The following MLPH variants were observed in gnomAD, a reference collection of about 807,000 sequenced individuals.
The protein encoded by MLPH is exophilin-3.
Under a neutral mutation model 72.1 loss-of-function variants are expected in MLPH, and 51 were observed. The observed-to-expected ratio is 0.71, with a 90% CI of 0.56 to 0.89. MLPH has a LOEUF of 0.89. Ranked by LOEUF, MLPH falls within the 40% of genes least tolerant of loss-of-function variation. The probability of loss-of-function intolerance (pLI) is 0.00; values close to 1 mark genes in which losing one functional copy is unlikely to be tolerated. For synonymous variants in MLPH, 301 were observed against 310.1 expected (o/e 0.97, Z 0.31); for missense variants, 743 against 759.9 (o/e 0.98, Z 0.26).
intron 8 of MLPH, among the ~76,000 whole-genome samples, chr2:237,533,220 A>AT (rs1248463310): frequency 1.1e-4 from 17 of 152,100 alleles, no homozygotes; most frequent in Admixed American, 4.6e-4. Flanking sequence ...TGGGAGCTAG[A>AT]GTTATCTTCA....
chr2:237,517,774 TG>T, intron 4 of MLPH, among the ~76,000 whole-genome samples: 1 of 150,406 alleles, frequency 6.6e-6, no homozygotes, highest in African/African-American at 2.5e-5. Flanking sequence ...GATAAGTAAA[TG>T]GATGGGTGCA....
At chr2:237,522,672 T>C (rs1434541808) in intron 6 of MLPH, among the ~76,000 whole-genome samples, 1 of 152,138 alleles carries the variant, frequency 6.6e-6, no homozygotes, top group Non-Finnish European at 1.5e-5. Flanking sequence ...GGAGCAGGGC[T>C]GAGACTGGGG....
chr2:237,542,539 G>C, intron 11 of MLPH, 28 bp from the exon 12 acceptor site: 1 of 1,553,454 alleles, frequency 6.4e-7, no homozygotes, highest in Non-Finnish European at 8.8e-7. Context: ...TCTGTCTGAC[G>C]GGCCTTCTGT....
At chr2:237,520,436 G>T (rs937554630) in intron 6 of MLPH, among the ~76,000 whole-genome samples, 2 of 152,008 alleles carry the variant, frequency 1.3e-5, no homozygotes, top group African/African-American at 4.8e-5. Context: ...TTACTGGGAG[G>T]GGAACATACA....
In MLPH at chr2:237,511,008, C is replaced by A; in HGVS notation, c.352C>A (p.Leu118Met). 1.9e-6 allele frequency: 3 copies of A among 1,613,814 alleles called. No homozygotes were observed. The highest frequency in any genetic ancestry group is 2.5e-6 in the Non-Finnish European group (3 of 1,179,934). ...HLARVVKIGS[L>M]EWYYEHVKAR... ...CTGCAGAGTCGTGAAGATCGGCTCA[C>A]TGGAGTGGTACTATGAGCATGTGAA... The change falls in exon 4 of 16, where the codon CTG becomes ATG. Residue 118 changes from leucine (L) to methionine (M), a missense_variant. Transcript: ENST00000264605.
At chr2:237,535,147 G>C (rs990333421) in intron 9 of MLPH, among the ~76,000 whole-genome samples, 1 of 152,144 alleles carries the variant, frequency 6.6e-6, no homozygotes, top group Admixed American at 6.5e-5. Flanking sequence ...AGGACCAAGG[G>C]GTGGCATCTG....
At chr2:237,527,319 C>T (rs776549662) in intron 7 of MLPH, 58 bp from the exon 8 acceptor site, 15 of 1,603,770 alleles carry the variant, frequency 9.4e-6, no homozygotes, top group Admixed American at 1.7e-5. Context: ...GGACTAAACA[C>T]GTCCATCAGC....
chr2:237,552,047 A>G (rs2081050876), intron 14 of MLPH: 1 of 409,600 alleles, frequency 2.4e-6, no homozygotes, highest in East Asian at 5.2e-5. Context: ...ACACCAGTGC[A>G]GTGTGATGGG....
intron 4 of MLPH, 152 bp from the exon 5 acceptor site, chr2:237,518,387 A>T (rs2080099060): frequency 1.4e-6 from 1 of 719,904 alleles, no homozygotes; most frequent in South Asian, 1.5e-5. Flanking sequence ...GGAGGGATAC[A>T]TTGCTGTGTG....
Position 237,534,627 on chromosome 2 carries a change from G to A in MLPH, c.1084G>A (p.Val362Ile), listed in dbSNP as rs769185421. 1.9e-6 allele frequency: 3 copies of A among 1,613,860 alleles called. No homozygotes were observed. In the East Asian group the frequency reaches 6.7e-5, roughly 36 times the overall value. ...ECLLTYLENT[V>I]VPPLAKGLGA... is the part of the protein sequence containing the mutation. ...CCTGCTGACCTACCTGGAGAACACA[G>A]TTGTGCCTCCCTTGGCCAAGGTAAC... Residue 362 changes from valine to isoleucine, a missense_variant, in exon 9 of 16, where the codon GTT becomes ATT. Val to Ile is a conservative substitution (Grantham distance 29). Coordinates refer to ENST00000264605, the MANE Select transcript of MLPH (RefSeq NM_024101.7).
intron 13 of MLPH, among the ~76,000 whole-genome samples, chr2:237,548,881 A>AC (rs1475734664): frequency 6.6e-6 from 1 of 152,214 alleles, no homozygotes; most frequent in Admixed American, 6.5e-5. Flanking sequence ...TCCATCTCAA[A>AC]CAAAAAAAGA....
At position 237,510,088 on chromosome 2, in the gene MLPH, T is replaced by C. The variant is rs371102644; in HGVS notation, c.111-486T>C. The stretch of plus-strand genomic sequence containing the variant: ...GAACTGTAGACTTCCGGGTGCTAGA[T>C]GATTCCTGCTCTGGAAACTCACCGA... On this transcript the variant is annotated intron_variant, in intron 2 of 15. Coordinates refer to ENST00000264605, the MANE Select transcript of MLPH (RefSeq NM_024101.7). The surrounding 1 kb of genome is among the most constrained non-coding windows in gnomAD (Gnocchi z 4.4). 249 of 226,180 alleles carry C rather than the reference T, an allele frequency of 1.1e-3. 2 individuals are homozygous for C. Among genetic ancestry groups the C allele is most frequent in the African/African-American group, 5.2e-3 (230 of 43,908 alleles). 14.0% of individuals were successfully genotyped at this position (226,180 alleles called of 1,614,324 possible). A position where few individuals can be genotyped will look rare whatever the true frequency, so the allele number is the denominator to read the frequency against.
chr2:237,540,830 G>C lies in MLPH; in HGVS notation c.1319G>C (p.Arg440Thr), dbSNP rs372113163. ...EVGTAAHQTNRQEKSPQDPGD... is the reference protein window; with the variant it reads ...EVGTAAHQTNTQEKSPQDPGD... ...GGCACGGCTGCCCATCAAACCAACA[G>C]ACAGGAAAAAAGCCCCCAGGACCCT... The change falls in exon 11 of 16, where the codon AGA becomes ACA. Residue 440 changes from arginine to threonine, a missense_variant. Transcript: ENST00000264605. The C allele has an allele frequency of 6.2e-7, 1 of 1,613,326 alleles. No individual in the cohort carries two copies. The highest frequency in any genetic ancestry group is 1.1e-5 in the South Asian group (1 of 91,062).
At chr2:237,487,748 T>C (rs1030306047) in intron 1 of MLPH, among the ~76,000 whole-genome samples, 30 of 152,192 alleles carry the variant, frequency 2.0e-4, no homozygotes, top group Non-Finnish European at 1.0e-4. Context: ...ATTGCCTCCA[T>C]TGCGAGTCTG....
chr2:237,515,845 C>T (rs1158719635), intron 4 of MLPH, among the ~76,000 whole-genome samples: 1 of 152,152 alleles, frequency 6.6e-6, no homozygotes, highest in Non-Finnish European at 1.5e-5. Flanking sequence ...GTGCTGGAAG[C>T]CACAGGAAGG....
At chr2:237,504,563 T>C (rs7572008) in intron 2 of MLPH, among the ~76,000 whole-genome samples, 41,302 of 152,206 alleles carry the variant, frequency 0.27, 10,290 homozygotes, top group African/African-American at 0.66. Flanking sequence ...AGCTCTGAAA[T>C]GGCAGCAGTT....
chr2:237,514,604 G>C (rs984466849), intron 4 of MLPH, among the ~76,000 whole-genome samples: 1 of 152,190 alleles, frequency 6.6e-6, no homozygotes, highest in Non-Finnish European at 1.5e-5. Flanking sequence ...GAGAAACTTT[G>C]CTTCTGAGGC....
chr2:237,538,200 G>A (rs942535965), intron 9 of MLPH, among the ~76,000 whole-genome samples: 1 of 152,168 alleles, frequency 6.6e-6, no homozygotes, highest in African/African-American at 2.4e-5. Context: ...CAGGAAACAC[G>A]CAACTGCTGG....
chr2:237,535,346 G>A (rs1222719995), intron 9 of MLPH, among the ~76,000 whole-genome samples: 2 of 151,870 alleles, frequency 1.3e-5, no homozygotes, highest in Non-Finnish European at 2.9e-5. Context: ...CCTCTTGAAG[G>A]TCCCACCTCT....
Sources: gnomAD v4.1 joint callset for allele counts (sites outside exome capture counted in the v4.1 genomes callset) on GRCh38, gnomAD v4.1.1 for gene constraint, Gnocchi (gnomAD v3.1) non-coding constraint, MANE v1.5 for transcripts, NCBI Gene and HGNC (gene_info 2026-07-23, HGNC 2026-07-21) for gene names.